APC: variants seen among roughly 807,000 people sequenced by gnomAD.
APC encodes APC regulator of Wnt signaling pathway, also known as adenomatous polyposis coli protein.
In APC, 72 loss-of-function variants were observed where a neutral mutation model predicts 247.0. The ratio of observed to expected loss-of-function variants is 0.29; its 90% CI spans 0.24 to 0.35. APC has a LOEUF of 0.35. Ranked by LOEUF, APC falls within the 10% of genes least tolerant of loss-of-function variation. The pLI is 1.00. For synonymous variants in APC, 1,254 were observed against 1,162.5 expected (o/e 1.08, Z -1.60); for missense variants, 3,400 against 3,360.7 (o/e 1.01, Z -0.29).
At chr5:112,746,151 A>G (rs1753650321) in intron 1 of APC, among the ~76,000 whole-genome samples, 1 of 152,174 alleles carries the variant, frequency 6.6e-6, no homozygotes, top group Admixed American at 6.5e-5. Flanking sequence ...GAAATAGTTT[A>G]CTAGTGAACT....
At position 112,764,245 on chromosome 5, in the gene APC, CAAAAAAA is replaced by C. The variant is rs71683434; in HGVS notation, c.136-2069_136-2063del. Among the ~76,000 whole-genome samples the C allele has an allele frequency of 2.6e-3, 275 of 105,224 alleles. 1 individual carries two copies. The highest frequency in any genetic ancestry group is 3.9e-3 in the Non-Finnish European group (199 of 50,484). 69.0% of individuals were successfully genotyped at this position (105,224 alleles called of 152,430 possible). On this transcript the variant is annotated intron_variant, in intron 2 of 15. Coordinates refer to ENST00000257430, the MANE Select transcript of APC (RefSeq NM_000038.6). ...TGGGCGACAGAGCGAGACTCCGTCT[CAAAAAAA>C]AAAAAAAAAAAGAGACCTGATCACA...
Position 112,846,126 on chromosome 5 carries a change from A to C in APC, c.*2000A>C, listed in dbSNP as rs962365616. 18 of 232,316 alleles carry C rather than the reference A, an allele frequency of 7.7e-5. No homozygotes were observed. Among genetic ancestry groups the C allele is most frequent in the African/African-American group, 3.5e-4 (16 of 45,326 alleles). The allele number at this position is 232,316 out of a possible 1,614,324, so 14.4% of individuals were successfully genotyped here. A position where few individuals can be genotyped will look rare whatever the true frequency, so the allele number is the denominator to read the frequency against. Reference sequence around the variant, plus strand: ...CACTTTGTAAACACTTCAATTTACTATCTTTGAAATGATTGACCTTTAAAT... The same window carrying C: ...CACTTTGTAAACACTTCAATTTACTCTCTTTGAAATGATTGACCTTTAAAT... On this transcript the variant is annotated 3_prime_UTR_variant, in exon 16 of 16. Coordinates refer to ENST00000257430, the MANE Select transcript of APC (RefSeq NM_000038.6).
chr5:112,745,127 G>A (rs1017384038), intron 1 of APC, among the ~76,000 whole-genome samples: 6 of 105,876 alleles, frequency 5.7e-5, no homozygotes, highest in African/African-American at 1.9e-4. Flanking sequence ...TAAATAATAT[G>A]CTGGTCAGTT....
At chr5:112,816,234 C>G (rs1212974044) in intron 9 of APC, among the ~76,000 whole-genome samples, 1 of 152,204 alleles carries the variant, frequency 6.6e-6, no homozygotes, top group Non-Finnish European at 1.5e-5. Flanking sequence ...TCCCAAGGTC[C>G]TCTTACCTCC....
chr5:112,803,694 G>A (rs7728216), intron 8 of APC, among the ~76,000 whole-genome samples: 8,210 of 152,162 alleles, frequency 0.054, 415 homozygotes, highest in East Asian at 0.13. Flanking sequence ...ATACTGTGTT[G>A]GACTCTAGAA....
At chr5:112,767,521 C>CA in intron 4 of APC, 131 bp downstream of exon 4, 1 of 698,052 alleles carries the variant, frequency 1.4e-6, no homozygotes. Flanking sequence ...TTTTTAAACT[C>CA]AAAGATAGCA....
intron 8 of APC, among the ~76,000 whole-genome samples, chr5:112,802,682 A>T (rs1000349693): frequency 6.6e-6 from 1 of 152,084 alleles, no homozygotes; most frequent in Non-Finnish European, 1.5e-5. Flanking sequence ...TTAGAAGAAA[A>T]TGTGGGTAGC....
chr5:112,822,059 C>T (rs1763204397), intron 11 of APC, 68 bp downstream of exon 11: 1 of 1,049,508 alleles, frequency 9.5e-7, no homozygotes, highest in African/African-American at 1.6e-5. Context: ...GGTAGAAATT[C>T]AGTATAGTAA....
At position 112,841,068 on chromosome 5, in the gene APC, A is replaced by T. The variant is rs1554086747; in HGVS notation, c.5474A>T (p.Asp1825Val). ...NLKNNSKVFN[D>V]KLPNNEDRVR... is the part of the protein sequence containing the mutation. Reference sequence around the variant, plus strand: ...AAAAATAATTCCAAGGTCTTCAATGATAAGCTCCCAAATAATGAAGATAGA... The same window carrying T: ...AAAAATAATTCCAAGGTCTTCAATGTTAAGCTCCCAAATAATGAAGATAGA... Residue 1825 changes from aspartate to valine, a missense_variant, in exon 16 of 16, where the codon GAT becomes GTT. Physicochemically the swap from Asp to Val is radical, Grantham distance 152. Around this residue, in one of 9 missense-constraint regions of APC, gnomAD observed 1,788 missense variants for 1,649.5 expected, o/e 1.08. Transcript: ENST00000257430. The surrounding 1 kb of genome is among the most constrained non-coding windows in gnomAD (Gnocchi z 4.6). The T allele has an allele frequency of 6.2e-7, 1 of 1,612,622 alleles. No homozygotes were observed. The highest frequency in any genetic ancestry group is 1.1e-5 in the South Asian group (1 of 91,052).
intron 6 of APC, among the ~76,000 whole-genome samples, chr5:112,784,032 G>A (rs906469085): frequency 1.1e-4 from 17 of 151,998 alleles, no homozygotes; most frequent in African/African-American, 2.9e-4. Context: ...GGGTGTGAAA[G>A]TAAAAACATC....
intron 1 of APC, among the ~76,000 whole-genome samples, chr5:112,753,061 TTTTG>T (rs1179402753): frequency 2.0e-5 from 3 of 152,268 alleles, no homozygotes; most frequent in Admixed American, 2.0e-4. Flanking sequence ...TTTTCTCTTA[TTTTG>T]TTTTATTATT....
intron 1 of APC, among the ~76,000 whole-genome samples, chr5:112,713,874 T>C (rs1581011022): frequency 6.6e-6 from 1 of 152,170 alleles, no homozygotes; most frequent in Admixed American, 6.5e-5. Flanking sequence ...GCTAGGCTGG[T>C]CTTGAACTCC....
rs954755645 is a variant in APC at position 112,739,580 on chromosome 5, C to T, written c.-19+1655C>T. The stretch of plus-strand genomic sequence containing the variant: ...ATCAGGGTTAATAGTACTTAGGAGC[C>T]GGGCGTGGTGGCCCATGCCTGTAAT... On this transcript the variant is annotated intron_variant, in intron 1 of 15. Transcript: ENST00000257430. 5.3e-5 allele frequency among the ~76,000 whole-genome samples: 8 copies of T among 152,070 alleles called. No individual in the cohort carries two copies. The South Asian group carries it at 6.2e-4, about 12-fold the overall frequency.
intron 2 of APC, among the ~76,000 whole-genome samples, chr5:112,765,726 C>G (rs1464563438): frequency 1.3e-5 from 2 of 152,060 alleles, no homozygotes; most frequent in Non-Finnish European, 2.9e-5. Flanking sequence ...ATGAAAATTT[C>G]CAACATTCTT....
intron 5 of APC, among the ~76,000 whole-genome samples, chr5:112,779,117 T>A (rs1194048417): frequency 6.6e-6 from 1 of 152,158 alleles, no homozygotes; most frequent in Non-Finnish European, 1.5e-5. Context: ...GAGAGGGCCC[T>A]TAACATGTTA....
intron 2 of APC, among the ~76,000 whole-genome samples, chr5:112,757,844 ATAAG>A (rs1363302187): frequency 2.6e-5 from 4 of 152,246 alleles, no homozygotes; most frequent in Non-Finnish European, 5.9e-5. Context: ...AGCCAGGGAA[ATAAG>A]TGTTTATGGG....
In APC at chr5:112,750,067, A is replaced by G. The variant is rs1051123143; in HGVS notation, c.-18-4806A>G. Among the ~76,000 whole-genome samples the G allele has an allele frequency of 5.5e-5, 8 of 146,784 alleles. No individual in the cohort carries two copies. In the South Asian group the frequency reaches 8.5e-4, roughly 16 times the overall value. ...ATCCTCCACCTCCCAGGTTCAAGCT[A>G]GTCTCTCACCTCAGCCTCCCAAGTA... On this transcript the variant is annotated intron_variant, in intron 1 of 15. Coordinates refer to ENST00000257430, the MANE Select transcript of APC (RefSeq NM_000038.6).
intron 1 of APC, among the ~76,000 whole-genome samples, chr5:112,724,164 A>G (rs1015099726): frequency 1.3e-5 from 2 of 152,286 alleles, no homozygotes; most frequent in Admixed American, 6.5e-5. Context: ...ATTTTTTCAC[A>G]TGTATTTTTA....
Position 112,771,090 on chromosome 5 carries a change from G to A in APC, c.422+3700G>A, listed in dbSNP as rs146414641. Among the ~76,000 whole-genome samples the A allele has an allele frequency of 3.9e-3, 594 of 152,094 alleles. 5 individuals are homozygous for A. Among genetic ancestry groups the A allele is most frequent in the African/African-American group, 0.013 (538 of 41,506 alleles). On this transcript the variant is annotated intron_variant, in intron 4 of 15. Transcript: ENST00000257430. ...TGGGTTTTTTTAGGACTCTGTAGTC[G>A]TTGGACACTGTGAGTCAGTAGTATG...
Sources: gnomAD v4.1 joint callset for allele counts (sites outside exome capture counted in the v4.1 genomes callset) on GRCh38, gnomAD v4.1.1 for gene constraint, gnomAD v4.1.1 regional missense constraint, Gnocchi (gnomAD v3.1) non-coding constraint, MANE v1.5 for transcripts, NCBI Gene and HGNC (gene_info 2026-07-23, HGNC 2026-07-21) for gene names.